Variants in MCF2L2 observed in about 807,000 individuals in gnomAD.
The protein encoded by MCF2L2 is probable guanine nucleotide exchange factor MCF2L2.
In MCF2L2, 102 loss-of-function variants were observed where a neutral mutation model predicts 150.2. That is an observed-to-expected ratio of 0.68 (90% CI 0.58 to 0.80). The LOEUF (loss-of-function observed/expected upper bound fraction) is 0.80. MCF2L2 is among the 30% of genes least tolerant of loss of function. MCF2L2 has a pLI of 0.00. For synonymous variants in MCF2L2, 465 were observed against 491.3 expected, an observed-to-expected ratio of 0.95 and a Z score of 0.71; for missense variants, 1,256 against 1,372.8, an observed-to-expected ratio of 0.91 and a Z score of 1.34.
At chr3:183,312,837 A>G (rs1577055554) in intron 7 of MCF2L2, among the ~76,000 whole-genome samples, 1 of 152,188 alleles carries the variant, frequency 6.6e-6, no homozygotes, top group African/African-American at 2.4e-5. Context: ...CCCATCCTCA[A>G]ACCTGGCCCT....
rs74749502 is a variant in MCF2L2 at position 183,218,790 on chromosome 3, C to T, written c.2370+1066G>A. Among the ~76,000 whole-genome samples, 15 of 152,192 alleles carry T rather than the reference C, an allele frequency of 9.9e-5. No individual in the cohort carries two copies. The East Asian group carries it at 2.9e-3, about 29-fold the overall frequency. ...CCCTCCTTCACAAAACACGAGGTGG[C>T]TAGGGTTTTGAACTGTATAATGTAG... On this transcript the variant is annotated intron_variant, in intron 21 of 29. Coordinates refer to ENST00000328913, the MANE Select transcript of MCF2L2 (RefSeq NM_015078.4).
At chr3:183,379,463 C>T in intron 2 of MCF2L2, 52 bp from the exon 3 acceptor site, 2 of 1,275,956 alleles carry the variant, frequency 1.6e-6, no homozygotes, top group East Asian at 2.4e-5. Flanking sequence ...TCCTGTCACA[C>T]CTCTGCAGGG....
At chr3:183,364,245 A>G (rs1456453865) in intron 3 of MCF2L2, among the ~76,000 whole-genome samples, 3 of 152,278 alleles carry the variant, frequency 2.0e-5, no homozygotes, top group Middle Eastern at 3.4e-3. Flanking sequence ...GGCCAGGAGC[A>G]GGGGCTTACG....
At chr3:183,271,698 G>A (rs1465395112) in intron 15 of MCF2L2, 2 of 166,850 alleles carry the variant, frequency 1.2e-5, no homozygotes, top group Non-Finnish European at 2.9e-5. Flanking sequence ...CCTTCTCTAG[G>A]GAGAAACCAT....
rs1722108570 is a variant in MCF2L2, at chr3:183,197,260, G to T, written c.2885-2005C>A. Among the ~76,000 whole-genome samples the T allele has an allele frequency of 6.6e-6, 1 of 152,162 alleles. No individual in the cohort carries two copies. The highest frequency in any genetic ancestry group is 1.5e-5 in the Non-Finnish European group (1 of 68,026). ...AGCAGCAGTAACCAAGATAGTGAGG[G>T]ACTGATGTCAAGGTAGACAAATAGA... On this transcript the variant is annotated intron_variant, in intron 25 of 29. Transcript: ENST00000328913. The surrounding 1 kb of genome is among the most constrained non-coding windows in gnomAD (Gnocchi z 4.5).
intron 21 of MCF2L2, among the ~76,000 whole-genome samples, chr3:183,217,832 G>A (rs1415341619): frequency 6.6e-6 from 1 of 152,180 alleles, no homozygotes; most frequent in Non-Finnish European, 1.5e-5. Context: ...CGGAAAAGCA[G>A]TAACTAATTA....
intron 27 of MCF2L2, among the ~76,000 whole-genome samples, chr3:183,185,000 T>C (rs527625858): frequency 1.3e-3 from 197 of 151,898 alleles, no homozygotes; most frequent in African/African-American, 4.5e-3. Context: ...CACTGCAACC[T>C]CCGCCTCCCG....
intron 1 of MCF2L2, chr3:183,400,533 T>G (rs1560058448): frequency 2.2e-6 from 1 of 455,152 alleles, no homozygotes; most frequent in Non-Finnish European, 4.4e-6. Flanking sequence ...GCTCTCCATT[T>G]CTCTCTAGGC....
At chr3:183,385,027 G>C (rs1411267860) in intron 2 of MCF2L2, among the ~76,000 whole-genome samples, 1 of 152,112 alleles carries the variant, frequency 6.6e-6, no homozygotes, top group Non-Finnish European at 1.5e-5. Flanking sequence ...TTAAGCACTT[G>C]AAATGGAACC....
chr3:183,272,607 A>G (rs1454351918), intron 15 of MCF2L2: 13 of 998,542 alleles, frequency 1.3e-5, no homozygotes, highest in Middle Eastern at 5.2e-4. Flanking sequence ...TACAGTGTCA[A>G]ACATTCTAGG....
chr3:183,368,061 GTTCT>G (rs1462730125), intron 3 of MCF2L2, among the ~76,000 whole-genome samples: 3 of 152,160 alleles, frequency 2.0e-5, no homozygotes, highest in Non-Finnish European at 4.4e-5. Context: ...GTTTACCCAA[GTTCT>G]TTCTTCATAG....
chr3:183,328,335 C>A (rs904024100), intron 5 of MCF2L2, among the ~76,000 whole-genome samples: 5 of 152,058 alleles, frequency 3.3e-5, no homozygotes, highest in South Asian at 2.1e-4. Context: ...GCTGTCAGAA[C>A]CCCCCTAATC....
intron 6 of MCF2L2, among the ~76,000 whole-genome samples, chr3:183,319,854 G>A (rs995985807): frequency 9.2e-5 from 14 of 152,182 alleles, no homozygotes; most frequent in African/African-American, 3.4e-4. Flanking sequence ...CACAGGCAGA[G>A]TAGATTTAGC....
chr3:183,194,503 T>C (rs1308678750), intron 26 of MCF2L2, among the ~76,000 whole-genome samples: 2 of 151,932 alleles, frequency 1.3e-5, no homozygotes, highest in East Asian at 3.9e-4. Flanking sequence ...CCGGAGGAGG[T>C]AACATCAGAG....
chr3:183,266,013 C>A (rs923609009), intron 15 of MCF2L2: 4 of 152,218 alleles, frequency 2.6e-5, no homozygotes, highest in Admixed American at 1.3e-4. Flanking sequence ...TGAAAAAATA[C>A]AGGAAAATAA....
chr3:183,289,405 T>G (rs9881714), intron 13 of MCF2L2, among the ~76,000 whole-genome samples, 185 bp from the exon 14 acceptor site: 1 of 152,010 alleles, frequency 6.6e-6, no homozygotes, highest in Non-Finnish European at 1.5e-5. Context: ...AGAGGAGAAA[T>G]AGAATCCTTG....
chr3:183,201,904 G>T (rs2108642950), intron 25 of MCF2L2, among the ~76,000 whole-genome samples: 1 of 152,158 alleles, frequency 6.6e-6, no homozygotes, highest in Non-Finnish European at 1.5e-5. Context: ...TGTCTTCGGA[G>T]AACACTGGAA....
chr3:183,298,317 T>C (rs940793435), intron 11 of MCF2L2: 1 of 152,188 alleles, frequency 6.6e-6, no homozygotes, highest in Non-Finnish European at 1.5e-5. Context: ...CATTTCCATT[T>C]ACCATGTGAC....
At chr3:183,359,662 G>A (rs1577089955) in intron 3 of MCF2L2, among the ~76,000 whole-genome samples, 2 of 152,296 alleles carry the variant, frequency 1.3e-5, no homozygotes, top group South Asian at 4.1e-4. Flanking sequence ...ACACTTTCTT[G>A]AACAGCATGC....
Sources: allele counts gnomAD v4.1 joint callset (sites outside exome capture counted in the v4.1 genomes callset), GRCh38; gene constraint gnomAD v4.1.1; non-coding constraint Gnocchi (gnomAD v3.1); transcripts MANE v1.5; gene names NCBI Gene and HGNC (gene_info 2026-07-23, HGNC 2026-07-21).